The following FANCB variants were observed in gnomAD, a reference collection of about 807,000 sequenced individuals.
The protein encoded by FANCB is FA complementation group B, also known as Fanconi anemia group B protein.
Under a neutral mutation model 38.9 loss-of-function variants are expected in FANCB, and 5 were observed. The ratio of observed to expected loss-of-function variants is 0.13; its 90% confidence interval spans 0.07 to 0.27. The LOEUF is 0.27. FANCB is among the 10% of genes least tolerant of loss of function. The pLI is 1.00. For synonymous variants in FANCB, 236 were observed against 215.4 expected, an observed-to-expected ratio of 1.10 and a Z score of -0.84; for missense variants, 573 against 602.7, an observed-to-expected ratio of 0.95 and a Z score of 0.52.
chrX:14,843,422 T>G lies in FANCB; in HGVS notation c.*145A>C. On this transcript the variant is annotated 3_prime_UTR_variant, in exon 10 of 10. Transcript: ENST00000650831. ...GGCCCTAGTTGAGAACCACTGCTGTTTATTTTGTGCATCATCAAAACTAAA... is the reference window on the plus strand; with the variant it reads ...GGCCCTAGTTGAGAACCACTGCTGTGTATTTTGTGCATCATCAAAACTAAA... The G allele has an allele frequency of 4.5e-6, 2 of 442,408 alleles. No individual in the cohort carries two copies. Among genetic ancestry groups the G allele is most frequent in the Non-Finnish European group, 7.7e-6 (2 of 261,402 alleles). The allele number at this position is 442,408 out of a possible 1,213,427, so 36.5% of individuals were successfully genotyped here.
rs1451351263 is a variant in FANCB, at chrX:14,845,220, T to C, written c.1563A>G (p.Leu521=). ...DQAHDSRFRL[L]KCQNRVIKLS... Reference sequence around the variant, plus strand: ...ACTTAATCACCCTATTTTGACACTTTAGAAGCCGAAATCTGGAGTCATGGG... The same window carrying C: ...ACTTAATCACCCTATTTTGACACTTCAGAAGCCGAAATCTGGAGTCATGGG... The change falls in exon 8 of 10, where the codon CTA becomes CTG. Residue 521 remains leucine (L), a synonymous_variant. Coordinates refer to ENST00000650831, the MANE Select transcript of FANCB (RefSeq NM_001018113.3). 4.1e-6 allele frequency: 5 copies of C among 1,207,522 alleles called. No homozygotes were observed. Among genetic ancestry groups the C allele is most frequent in the Non-Finnish European group, 5.6e-6 (5 of 893,285 alleles).
chrX:14,699,220 C>G, the FANCB span, among the ~76,000 whole-genome samples: 3 of 112,018 alleles, frequency 2.7e-5, no homozygotes, highest in East Asian at 8.4e-4. Context: ...AACAACTTCT[C>G]TACAATGCAG....
At chrX:14,704,828 AAC>A in the FANCB span, among the ~76,000 whole-genome samples, 1 of 112,113 alleles carries the variant, frequency 8.9e-6, no homozygotes, top group South Asian at 3.7e-4. Context: ...AGATAAAAAA[AAC>A]TGCTTGAAAC....
At chrX:14,838,762 C>T (rs191250895), downstream of FANCB, among the ~76,000 whole-genome samples, 54 of 111,996 alleles carry the variant, frequency 4.8e-4, no homozygotes, top group East Asian at 0.013. Flanking sequence ...TACTAAAAGG[C>T]AACCACTCAT....
chrX:14,870,460 G>A (rs1305581104), intron 1 of FANCB, among the ~76,000 whole-genome samples: 23 of 110,705 alleles, frequency 2.1e-4, no homozygotes, highest in Admixed American at 1.4e-3. Flanking sequence ...GTGGCGGTGC[G>A]GGGCGGGGCG....
At chrX:14,740,733 A>G in the FANCB span, among the ~76,000 whole-genome samples, 2 of 111,556 alleles carry the variant, frequency 1.8e-5, no homozygotes, top group South Asian at 3.8e-4. Context: ...TACATTGCCA[A>G]TCCCTGCTCT....
At chrX:14,750,778 A>C in the FANCB span, among the ~76,000 whole-genome samples, 1 of 111,119 alleles carries the variant, frequency 9.0e-6, no homozygotes. Flanking sequence ...GTTATCAATA[A>C]AACAAATAGC....
At chrX:14,789,988 T>C in the FANCB span, among the ~76,000 whole-genome samples, 3 of 112,198 alleles carry the variant, frequency 2.7e-5, no homozygotes, top group African/African-American at 6.5e-5. Context: ...GACAATCTAA[T>C]AGATGGAATA....
the FANCB span, among the ~76,000 whole-genome samples, chrX:14,790,865 T>C: frequency 9.0e-6 from 1 of 111,001 alleles, no homozygotes; most frequent in Non-Finnish European, 1.9e-5. Context: ...AAAATTGGGA[T>C]GGTTAGTGGG....
At chrX:14,790,636 G>A in the FANCB span, among the ~76,000 whole-genome samples, 1 of 111,903 alleles carries the variant, frequency 8.9e-6, no homozygotes, top group Admixed American at 9.5e-5. Flanking sequence ...CAGCCTTATG[G>A]GCGATCACAT....
the FANCB span, among the ~76,000 whole-genome samples, chrX:14,742,880 G>C: frequency 1.8e-5 from 2 of 112,873 alleles, no homozygotes; most frequent in Non-Finnish European, 3.7e-5. Flanking sequence ...GTTGGCATAA[G>C]CAGGGCTTTT....
chrX:14,721,935 C>T, the FANCB span, among the ~76,000 whole-genome samples: 7 of 111,587 alleles, frequency 6.3e-5, no homozygotes, highest in Middle Eastern at 8.4e-3. Context: ...GTAAACTTTT[C>T]CCCATCCTCC....
At chrX:14,757,719 C>T in the FANCB span, among the ~76,000 whole-genome samples, 1 of 111,931 alleles carries the variant, frequency 8.9e-6, no homozygotes, top group Non-Finnish European at 1.9e-5. Flanking sequence ...TTCTGTCTCA[C>T]GCGGATCCTT....
At chrX:14,740,465 G>A in the FANCB span, among the ~76,000 whole-genome samples, 2 of 111,295 alleles carry the variant, frequency 1.8e-5, no homozygotes, top group Admixed American at 1.9e-4. Flanking sequence ...TTCCACCACA[G>A]GTCCTTTGCA....
the FANCB span, among the ~76,000 whole-genome samples, chrX:14,754,463 C>T: frequency 1.3e-4 from 15 of 111,912 alleles, no homozygotes; most frequent in East Asian, 4.2e-3. Context: ...AAATCTATTA[C>T]GAAAACATAA....
chrX:14,787,700 CCT>C, the FANCB span, among the ~76,000 whole-genome samples: 8 of 106,258 alleles, frequency 7.5e-5, no homozygotes, highest in African/African-American at 2.7e-4. Flanking sequence ...TAAAGGCAAA[CCT>C]AAATCTATAA....
chrX:14,721,349 G>A, the FANCB span, among the ~76,000 whole-genome samples: 1 of 110,710 alleles, frequency 9.0e-6, no homozygotes, highest in Non-Finnish European at 1.9e-5. Context: ...AAAATGATTA[G>A]TATGTGAAGT....
At chrX:14,830,078 G>A in the FANCB span, among the ~76,000 whole-genome samples, 23 of 111,438 alleles carry the variant, frequency 2.1e-4, no homozygotes, top group East Asian at 4.8e-3. Context: ...GATGTGTATC[G>A]GGGAATAGGA....
Position 14,849,322 on chromosome X carries a change from A to G in FANCB, c.1496+1183T>C, listed in dbSNP as rs1169150172. On this transcript the variant is annotated intron_variant, in intron 7 of 9. Coordinates refer to ENST00000650831, the MANE Select transcript of FANCB (RefSeq NM_001018113.3). Reference sequence around the variant, plus strand: ...AGAGAGAAGAAAAACCCAGATGATCAACCAGCCCAAAACAGCTTAGAAATT... The same window carrying G: ...AGAGAGAAGAAAAACCCAGATGATCGACCAGCCCAAAACAGCTTAGAAATT... 2.7e-5 allele frequency among the ~76,000 whole-genome samples: 3 copies of G among 111,727 alleles called. No homozygotes were observed. In the East Asian group the frequency reaches 8.4e-4, roughly 31 times the overall value.
Sources: gnomAD v4.1 joint callset for allele counts (sites outside exome capture counted in the v4.1 genomes callset) on GRCh38, gnomAD v4.1.1 for gene constraint, MANE v1.5 for transcripts, NCBI Gene and HGNC (gene_info 2026-07-23, HGNC 2026-07-21) for gene names.